RPS6KA5: variants seen among roughly 807,000 people sequenced by gnomAD.
The protein encoded by RPS6KA5 is ribosomal protein S6 kinase A5.
RPS6KA5 carries 27 observed loss-of-function variants against 85.5 expected under a neutral mutation model. The ratio of observed to expected loss-of-function variants is 0.32; its 90% CI spans 0.23 to 0.44. The LOEUF is 0.44. Ranked by LOEUF, RPS6KA5 falls within the 20% of genes least tolerant of loss-of-function variation. The probability of loss-of-function intolerance (pLI) is 1.00; values close to 1 mark genes in which losing one functional copy is unlikely to be tolerated. For synonymous variants in RPS6KA5, 334 were observed against 348.2 expected (o/e 0.96, Z 0.46); for missense variants, 811 against 980.9 (o/e 0.83, Z 2.31).
At chr14:90,887,945 CAAAAAAAAA>C (rs34947711) in intron 14 of RPS6KA5, among the ~76,000 whole-genome samples, 6 of 42,768 alleles carry the variant, frequency 1.4e-4, no homozygotes, top group African/African-American at 1.2e-4. Context: ...GAGGCTATCG[CAAAAAAAAA>C]AAAAAAAAAA....
rs560782697 is a variant in RPS6KA5 at position 90,852,426 on chromosome 14, A to T, written c.*19648T>A. 6.6e-6 allele frequency: 1 copy of T among 152,300 alleles called. No homozygotes were observed. Among genetic ancestry groups the T allele is most frequent in the South Asian group, 2.1e-4 (1 of 4,826 alleles). 9.4% of individuals were successfully genotyped at this position (152,300 alleles called of 1,614,324 possible). A position where few individuals can be genotyped will look rare whatever the true frequency, so the allele number is the denominator to read the frequency against. On this transcript the variant is annotated 3_prime_UTR_variant, in exon 17 of 17. Coordinates refer to ENST00000614987, the MANE Select transcript of RPS6KA5 (RefSeq NM_004755.4). ...GCTCATAAGGAAATAACTAATTGTC[A>T]ATGTCTAAATACCTTAAAAAGAAGC...
At chr14:90,962,898 C>T (rs2038880626) in intron 3 of RPS6KA5, among the ~76,000 whole-genome samples, 1 of 152,202 alleles carries the variant, frequency 6.6e-6, no homozygotes, top group South Asian at 2.1e-4. Flanking sequence ...TTTCAGTGTA[C>T]ATTTCCTAAG....
Position 90,862,481 on chromosome 14 carries a change from T to A in RPS6KA5, c.*9593A>T, listed in dbSNP as rs1460926071. ...CTTCTTCTTCTTCTTCTTCTTCTTT[T>A]TTTAATGCTAGGCTCCTGCTCTGTT... On this transcript the variant is annotated 3_prime_UTR_variant, in exon 17 of 17. Transcript: ENST00000614987. 6.7e-6 allele frequency: 1 copy of A among 149,412 alleles called. No individual in the cohort carries two copies. The highest frequency in any genetic ancestry group is 1.9e-4 in the East Asian group (1 of 5,138). The allele number at this position is 149,412 out of a possible 1,614,324, so 9.3% of individuals were successfully genotyped here.
chr14:90,943,852 T>G (rs2037724097), intron 4 of RPS6KA5, among the ~76,000 whole-genome samples: 1 of 152,102 alleles, frequency 6.6e-6, no homozygotes, highest in Non-Finnish European at 1.5e-5. Context: ...TTTGTTGTTG[T>G]TATTGTTGTT....
intron 1 of RPS6KA5, 63 bp from the exon 2 acceptor site, chr14:91,001,222 G>T: frequency 9.9e-7 from 1 of 1,012,508 alleles, no homozygotes; most frequent in Non-Finnish European, 1.5e-6. Flanking sequence ...GCTCCTGGGG[G>T]ATTCTTGTGT....
In RPS6KA5 at chr14:90,850,955, A is replaced by C. The variant is rs2031970135; in HGVS notation, c.*21119T>G. 6.6e-6 allele frequency: 1 copy of C among 152,216 alleles called. No homozygotes were observed. The highest frequency in any genetic ancestry group is 2.1e-4 in the South Asian group (1 of 4,832). The allele number at this position is 152,216 out of a possible 1,614,324, so 9.4% of individuals were successfully genotyped here. A position where few individuals can be genotyped will look rare whatever the true frequency, so the allele number is the denominator to read the frequency against. On this transcript the variant is annotated 3_prime_UTR_variant, in exon 17 of 17. Transcript: ENST00000614987. ...TAGAACAATACCCATAAATATAAAA[A>C]ATCTACTTAATTTTATACTTTGTTA...
At chr14:90,996,706 A>G (rs1443473251) in intron 2 of RPS6KA5, among the ~76,000 whole-genome samples, 1 of 152,094 alleles carries the variant, frequency 6.6e-6, no homozygotes, top group Non-Finnish European at 1.5e-5. Context: ...AAAAAACATA[A>G]AAACTGACAT....
At chr14:90,897,921 G>T (rs2034929434) in intron 12 of RPS6KA5, among the ~76,000 whole-genome samples, 2 of 152,154 alleles carry the variant, frequency 1.3e-5, no homozygotes, top group East Asian at 1.9e-4. Context: ...GTGGCCAGGG[G>T]ACTCATTACC....
chr14:91,033,350 C>T (rs2042268906), intron 1 of RPS6KA5, among the ~76,000 whole-genome samples: 2 of 152,286 alleles, frequency 1.3e-5, no homozygotes, highest in African/African-American at 4.8e-5. Flanking sequence ...CACTGTGGCT[C>T]ACACCTGGCT....
At chr14:91,004,755 C>A (rs959006374) in intron 1 of RPS6KA5, among the ~76,000 whole-genome samples, 4 of 151,918 alleles carry the variant, frequency 2.6e-5, no homozygotes, top group Admixed American at 2.6e-4. Context: ...ATCACGAGGT[C>A]AGGAGATCGA....
At chr14:90,994,179 C>T (rs895101968) in intron 2 of RPS6KA5, among the ~76,000 whole-genome samples, 2 of 152,030 alleles carry the variant, frequency 1.3e-5, no homozygotes, top group Non-Finnish European at 2.9e-5. Flanking sequence ...CCGGCCTATC[C>T]TCTATATCTT....
At chr14:90,979,629 T>C (rs2039709321) in intron 2 of RPS6KA5, among the ~76,000 whole-genome samples, 1 of 152,252 alleles carries the variant, frequency 6.6e-6, no homozygotes, top group South Asian at 2.1e-4. Flanking sequence ...CTCTGGGAAC[T>C]GGATTAGTAC....
intron 14 of RPS6KA5, among the ~76,000 whole-genome samples, chr14:90,890,043 A>T (rs566794497): frequency 1.3e-5 from 2 of 152,362 alleles, no homozygotes; most frequent in African/African-American, 4.8e-5. Flanking sequence ...ACTTTAAGTT[A>T]CGTAGTAGAA....
At position 90,872,003 on chromosome 14, in the gene RPS6KA5, A is replaced by C; in HGVS notation, c.*71T>G. 3.3e-6 allele frequency: 5 copies of C among 1,519,036 alleles called. No individual in the cohort carries two copies. Among genetic ancestry groups the C allele is most frequent in the Non-Finnish European group, 4.4e-6 (5 of 1,134,090 alleles). 94.1% of individuals were successfully genotyped at this position (1,519,036 alleles called of 1,614,324 possible). A position where few individuals can be genotyped will look rare whatever the true frequency, so the allele number is the denominator to read the frequency against. ...ACCAACGGGAAACATTTTTAAAAGC[A>C]TAAAAGATCGCCTCAGGCATATGCT... is the stretch of plus-strand genomic sequence containing the variant. On this transcript the variant is annotated 3_prime_UTR_variant, in exon 17 of 17. Coordinates refer to ENST00000614987, the MANE Select transcript of RPS6KA5 (RefSeq NM_004755.4).
intron 8 of RPS6KA5, 96 bp from the exon 9 acceptor site, chr14:90,903,065 G>A (rs1220516084): frequency 2.9e-6 from 3 of 1,026,658 alleles, no homozygotes; most frequent in Non-Finnish European, 4.3e-6. Context: ...CTGGTAGGGA[G>A]AGAGGATAAA....
chr14:91,027,424 T>G (rs2042026660), intron 1 of RPS6KA5, among the ~76,000 whole-genome samples: 1 of 152,166 alleles, frequency 6.6e-6, no homozygotes, highest in Admixed American at 6.5e-5. Context: ...GCTGTAGGTG[T>G]GAGGCTGTAT....
intron 1 of RPS6KA5, among the ~76,000 whole-genome samples, chr14:91,033,572 A>G (rs1340458058): frequency 6.6e-6 from 1 of 152,258 alleles, no homozygotes; most frequent in Non-Finnish European, 1.5e-5. Flanking sequence ...ACTGCACTCC[A>G]GCCTGGGCAA....
chr14:91,051,142 G>C (rs1189881810), intron 1 of RPS6KA5, among the ~76,000 whole-genome samples: 2 of 152,078 alleles, frequency 1.3e-5, no homozygotes, highest in East Asian at 3.9e-4. Context: ...GGGAGGCTGA[G>C]GTGGGAGGAT....
At chr14:90,999,427 G>A (rs919037372) in intron 2 of RPS6KA5, among the ~76,000 whole-genome samples, 2 of 152,096 alleles carry the variant, frequency 1.3e-5, no homozygotes, top group African/African-American at 2.4e-5. Flanking sequence ...AAACTGCAGC[G>A]GGGAAGAAAA....
Sources: gnomAD v4.1 joint callset for allele counts (sites outside exome capture counted in the v4.1 genomes callset) on GRCh38, gnomAD v4.1.1 for gene constraint, MANE v1.5 for transcripts, NCBI Gene and HGNC (gene_info 2026-07-23, HGNC 2026-07-21) for gene names.